Variants in CYFIP2 observed in about 807,000 individuals in gnomAD.
The protein encoded by CYFIP2 is cytoplasmic FMR1 interacting protein 2.
In CYFIP2, 29 loss-of-function variants were observed where a neutral mutation model predicts 158.7. That is an observed-to-expected ratio of 0.18 (90% confidence interval 0.14 to 0.25). The LOEUF is 0.25. Ranked by LOEUF, CYFIP2 falls within the 10% of genes least tolerant of loss-of-function variation. The probability of loss-of-function intolerance (pLI) is 1.00; values close to 1 mark genes in which losing one functional copy is unlikely to be tolerated. For synonymous variants in CYFIP2, 585 were observed against 617.6 expected (o/e 0.95, Z 0.78); for missense variants, 852 against 1,639.5 (o/e 0.52, Z 8.29).
intron 19 of CYFIP2, among the ~76,000 whole-genome samples, chr5:157,330,338 A>T (rs189230290): frequency 6.6e-5 from 10 of 151,810 alleles, no homozygotes; most frequent in Admixed American, 5.3e-4. Flanking sequence ...GTTACCTATT[A>T]TCTGAAATTA....
chr5:157,388,453 G>A (rs757691515), intron 28 of CYFIP2, among the ~76,000 whole-genome samples: 1 of 152,164 alleles, frequency 6.6e-6, no homozygotes, highest in South Asian at 2.1e-4. Flanking sequence ...ACATTCAACT[G>A]TACAGAAGTA....
intron 8 of CYFIP2, among the ~76,000 whole-genome samples, chr5:157,306,537 C>T (rs753088213): frequency 3.9e-5 from 6 of 152,180 alleles, no homozygotes; most frequent in Non-Finnish European, 7.3e-5. Context: ...ACTCAGATGC[C>T]ACCGTGGAGC....
intron 15 of CYFIP2, 127 bp from the exon 16 acceptor site, chr5:157,323,794 A>T: frequency 8.6e-7 from 1 of 1,159,362 alleles, no homozygotes; most frequent in Non-Finnish European, 1.2e-6. Flanking sequence ...GTGCTTCCTT[A>T]GGACAGTGCT....
Position 157,361,636 on chromosome 5 carries a change from G to T in CYFIP2, c.3039+38G>T, listed in dbSNP as rs1369537154. ...CCCAAAGGAAGTGGGGTGTCTCCAG[G>T]TTGGAGGGGATGCCAACCCCAAGCA... On this transcript the variant is annotated intron_variant, in intron 26 of 30. Transcript: ENST00000620254. This position sits in a 1 kb window ranked among gnomAD's most constrained non-coding sequence, Gnocchi z 4.4. 8.1e-6 allele frequency: 13 copies of T among 1,612,498 alleles called. No homozygotes were observed. Among genetic ancestry groups the T allele is most frequent in the African/African-American group, 2.7e-5 (2 of 74,870 alleles).
intron 23 of CYFIP2, chr5:157,342,874 A>G: frequency 6.2e-7 from 1 of 1,612,236 alleles, no homozygotes; most frequent in South Asian, 1.1e-5. Context: ...ATTCCCCACA[A>G]TGAGGCAGTA....
At chr5:157,349,238 G>T (rs908346737) in intron 23 of CYFIP2, among the ~76,000 whole-genome samples, 1 of 152,090 alleles carries the variant, frequency 6.6e-6, no homozygotes, top group Admixed American at 6.6e-5. Flanking sequence ...AGCAGTATAC[G>T]CTATGCCCAA....
intron 15 of CYFIP2, chr5:157,322,912 C>T (rs1760722063): frequency 6.6e-7 from 1 of 1,523,990 alleles, no homozygotes; most frequent in African/African-American, 1.4e-5. Flanking sequence ...CCTCCCATTC[C>T]CTCTTCCTTC....
At chr5:157,302,241 G>C (rs1398301777) in intron 6 of CYFIP2, among the ~76,000 whole-genome samples, 1 of 152,172 alleles carries the variant, frequency 6.6e-6, no homozygotes, top group Non-Finnish European at 1.5e-5. Context: ...GGCAGCCACA[G>C]CTTTCTCCCA....
chr5:157,341,639 T>TG (rs908492675), intron 23 of CYFIP2: 1 of 156,448 alleles, frequency 6.4e-6, no homozygotes, highest in African/African-American at 2.4e-5. Flanking sequence ...GTAGCAGGAA[T>TG]GGGGGCAAAA....
rs1280762320 is a variant in CYFIP2, at chr5:157,320,027, C to T, written c.1523+99C>T. On this transcript the variant is annotated intron_variant, in intron 14 of 30. Coordinates refer to ENST00000620254, the MANE Select transcript of CYFIP2 (RefSeq NM_001037333.3). ...CTCAGCCACTGAACACACATGGGTC[C>T]TTCCAGCAAGCTCCAGAGGGCTCTT... 1.0e-5 allele frequency: 15 copies of T among 1,452,102 alleles called. No homozygotes were observed. In the East Asian group the frequency reaches 2.7e-4, roughly 27 times the overall value. 90.0% of individuals were successfully genotyped at this position (1,452,102 alleles called of 1,614,324 possible). A position where few individuals can be genotyped will look rare whatever the true frequency, so the allele number is the denominator to read the frequency against.
intron 13 of CYFIP2, among the ~76,000 whole-genome samples, chr5:157,318,417 T>C (rs770331053): frequency 1.3e-5 from 2 of 152,222 alleles, no homozygotes; most frequent in African/African-American, 2.4e-5. Flanking sequence ...TAGTTATATC[T>C]GTAGCCAGGG....
intron 26 of CYFIP2, among the ~76,000 whole-genome samples, chr5:157,366,882 C>T (rs552770065): frequency 3.3e-5 from 5 of 152,106 alleles, no homozygotes; most frequent in Non-Finnish European, 5.9e-5. Flanking sequence ...TCTAGACTTT[C>T]GGCCATTGTT....
intron 26 of CYFIP2, among the ~76,000 whole-genome samples, chr5:157,367,832 G>A (rs1231153469): frequency 1.4e-5 from 2 of 142,266 alleles, no homozygotes; most frequent in Non-Finnish European, 3.0e-5. Flanking sequence ...TCGGCTCACT[G>A]TAACCTCCGC....
rs371258648 is a variant in CYFIP2, at chr5:157,348,143, C to G, written c.2673+6986C>G. On this transcript the variant is annotated intron_variant, in intron 23 of 30. Coordinates refer to ENST00000620254, the MANE Select transcript of CYFIP2 (RefSeq NM_001037333.3). ...GCTAGTTGACATCAGTAGTAAATTACTGCTAGAGGAAATCAGCTAGGAGCA... is the reference window on the plus strand; with the variant it reads ...GCTAGTTGACATCAGTAGTAAATTAGTGCTAGAGGAAATCAGCTAGGAGCA... Among the ~76,000 whole-genome samples the G allele has an allele frequency of 2.2e-4, 34 of 152,378 alleles. No individual in the cohort carries two copies. The East Asian group carries it at 5.2e-3, about 23-fold the overall frequency.
At chr5:157,385,994 C>T (rs1244250581) in intron 28 of CYFIP2, among the ~76,000 whole-genome samples, 1 of 151,948 alleles carries the variant, frequency 6.6e-6, no homozygotes, top group Non-Finnish European at 1.5e-5. Context: ...AGGGTATTTG[C>T]AGGAAGCGAG....
intron 7 of CYFIP2, among the ~76,000 whole-genome samples, chr5:157,303,805 A>G (rs1758982498): frequency 6.6e-6 from 1 of 151,736 alleles, no homozygotes. Context: ...TCCTGCCAAG[A>G]GGGAGACACC....
chr5:157,320,680 A>G lies in CYFIP2; in HGVS notation c.1549A>G (p.Ile517Val), dbSNP rs895353962. Residue 517 changes from isoleucine (I) to valine (V), a missense_variant, in exon 15 of 31, where the codon ATC (isoleucine) becomes GTC (valine). This residue lies in a region of CYFIP2 where 167 missense variants were observed against 343.3 expected (regional missense o/e 0.49). Coordinates refer to ENST00000620254, the MANE Select transcript of CYFIP2 (RefSeq NM_001037333.3). Reference protein sequence around the residue: ...ISVLQAIRKTICDWEGGREPP... With the variant: ...ISVLQAIRKTVCDWEGGREPP... ...CGTCCTACAGGCAATTCGAAAGACC[A>G]TCTGTGACTGGGAGGGAGGGCGAGA... The G allele has an allele frequency of 1.2e-6, 2 of 1,613,994 alleles. No individual in the cohort carries two copies. Among genetic ancestry groups the G allele is most frequent in the African/African-American group, 1.3e-5 (1 of 75,070 alleles).
chr5:157,384,170 C>A, intron 28 of CYFIP2: 1 of 403,194 alleles, frequency 2.5e-6, no homozygotes, highest in Admixed American at 2.7e-5. Context: ...AAAACCAGTA[C>A]GAGTCACGAT....
intron 26 of CYFIP2, among the ~76,000 whole-genome samples, chr5:157,372,526 C>A (rs990839819): frequency 6.6e-6 from 1 of 152,094 alleles, no homozygotes; most frequent in East Asian, 1.9e-4. Context: ...GGGGTTAAAC[C>A]AGACAAGGTT....
Sources: allele counts gnomAD v4.1 joint callset (sites outside exome capture counted in the v4.1 genomes callset), GRCh38; gene constraint gnomAD v4.1.1; regional missense constraint gnomAD v4.1.1; non-coding constraint Gnocchi (gnomAD v3.1); transcripts MANE v1.5; gene names NCBI Gene and HGNC (gene_info 2026-07-23, HGNC 2026-07-21).